BCAT1: variants seen among roughly 807,000 people sequenced by gnomAD.
The protein encoded by BCAT1 is branched chain amino acid transaminase 1.
In BCAT1, 48 loss-of-function variants were observed where a neutral mutation model predicts 52.4. That is an observed-to-expected ratio of 0.92 (90% CI 0.73 to 1.16). The LOEUF is 1.16. BCAT1 is among the 50% of genes most tolerant of loss of function. The pLI, the probability that BCAT1 is intolerant of heterozygous loss-of-function variation, is 0.00. For synonymous variants in BCAT1, 167 were observed against 161.3 expected (o/e 1.04, Z -0.27); for missense variants, 451 against 457.1 (o/e 0.99, Z 0.12).
chr12:24,945,835 G>T (rs938245956), intron 1 of BCAT1: 30 of 152,182 alleles, frequency 2.0e-4, no homozygotes, highest in African/African-American at 6.7e-4. Context: ...AAAAAGAAAA[G>T]AAAAAAGAAT....
At chr12:24,902,084 AC>A (rs1380082640) in intron 1 of BCAT1, 199 bp from the exon 2 acceptor site, 54 of 1,486,338 alleles carry the variant, frequency 3.6e-5, no homozygotes, top group Non-Finnish European at 4.4e-5. Context: ...TGCACTTCCC[AC>A]CCTGCCGGGG....
In BCAT1 at chr12:24,849,896, G is replaced by A. The variant is rs772543430; in HGVS notation, c.564C>T (p.Ser188=). The A allele has an allele frequency of 6.2e-7, 1 of 1,613,620 alleles. No homozygotes were observed. Among genetic ancestry groups the A allele is most frequent in the Non-Finnish European group, 8.5e-7 (1 of 1,179,694 alleles). The change falls in exon 6 of 11, where the codon AGC becomes AGT. Residue 188 remains serine (S), a synonymous_variant. Coordinates refer to ENST00000261192, the MANE Select transcript of BCAT1 (RefSeq NM_005504.7). ...PTKALLFVLL[S]PVGPYFSSGT... is the part of the protein sequence containing the mutation. ...CACTTGAAAAATAAGGTCCCACTGG[G>A]CTCAAGAGTACAAAGAGCAGGGCTT...
intron 10 of BCAT1, among the ~76,000 whole-genome samples, chr12:24,829,019 G>GTAAATAAA (rs113337097): frequency 1.8e-4 from 27 of 150,898 alleles, no homozygotes; most frequent in African/African-American, 4.4e-4. Flanking sequence ...AAATAAATAA[G>GTAAATAAA]TAAATAAATA....
intron 3 of BCAT1, 119 bp from the exon 4 acceptor site, chr12:24,881,530 C>A: frequency 1.6e-6 from 1 of 631,614 alleles, no homozygotes. Context: ...TGACATTGAC[C>A]TCAACTTGAG....
At chr12:24,860,004 G>A (rs1304971923) in intron 5 of BCAT1, among the ~76,000 whole-genome samples, 2 of 152,202 alleles carry the variant, frequency 1.3e-5, no homozygotes, top group Non-Finnish European at 2.9e-5. Flanking sequence ...TATGTTATCA[G>A]TAATAATTAT....
chr12:24,880,464 A>G (rs73061817), intron 4 of BCAT1, among the ~76,000 whole-genome samples: 18,241 of 152,186 alleles, frequency 0.12, 1,162 homozygotes, highest in East Asian at 0.18. Context: ...CTCAAAAAAA[A>G]AATCTAACCC....
intron 1 of BCAT1, among the ~76,000 whole-genome samples, chr12:24,917,916 G>A (rs908464944): frequency 2.6e-5 from 4 of 152,124 alleles, no homozygotes; most frequent in African/African-American, 9.7e-5. Flanking sequence ...CTCTTATCCA[G>A]GAAAATCAAA....
intron 10 of BCAT1, among the ~76,000 whole-genome samples, chr12:24,820,456 A>T (rs1010227552): frequency 2.0e-5 from 3 of 152,174 alleles, no homozygotes; most frequent in African/African-American, 7.2e-5. Context: ...AAGAGTAAGT[A>T]AGTATACATA....
chr12:24,901,455 G>A (rs2139678145), intron 2 of BCAT1, among the ~76,000 whole-genome samples: 1 of 152,300 alleles, frequency 6.6e-6, no homozygotes, highest in East Asian at 1.9e-4. Flanking sequence ...AGAGTGTTAT[G>A]TGCTACTGAA....
chr12:24,860,973 G>T (rs1179391772), intron 5 of BCAT1, among the ~76,000 whole-genome samples: 3 of 152,160 alleles, frequency 2.0e-5, no homozygotes, highest in Non-Finnish European at 4.4e-5. Context: ...AATTATTATT[G>T]CTATGCTTTA....
At chr12:24,898,752 A>G (rs1038470365) in intron 2 of BCAT1, among the ~76,000 whole-genome samples, 1 of 151,384 alleles carries the variant, frequency 6.6e-6, no homozygotes, top group Non-Finnish European at 1.5e-5. Context: ...CTGACCTCAA[A>G]TGATCCACCC....
rs1191798602 is a variant in BCAT1, at chr12:24,849,942, A to AG, written c.517dup (p.Leu173ProfsTer28). 1 of 1,606,904 alleles carries AG rather than the reference A, an allele frequency of 6.2e-7. No homozygotes were observed. The highest frequency in any genetic ancestry group is 8.5e-7 in the Non-Finnish European group (1 of 1,175,318). Reference sequence around the variant, plus strand: ...GGCTTTGGTAGGCTTCTTGACTCCAAGAGAAGGCTGCAACAAAGTAGAAGT... The same window carrying AG: ...GGCTTTGGTAGGCTTCTTGACTCCAAGGAGAAGGCTGCAACAAAGTAGAAGT... On this transcript the variant is annotated frameshift_variant, in exon 6 of 11. Coordinates refer to ENST00000261192, the MANE Select transcript of BCAT1 (RefSeq NM_005504.7). LOFTEE classifies it high-confidence loss of function.
At chr12:24,904,031 A>G (rs1343097960) in intron 1 of BCAT1, 3 of 152,170 alleles carry the variant, frequency 2.0e-5, no homozygotes, top group Non-Finnish European at 4.4e-5. Flanking sequence ...TGTAGCTCTA[A>G]TCTTATCAAC....
chr12:24,884,892 A>G (rs574897423), intron 3 of BCAT1, among the ~76,000 whole-genome samples: 1 of 152,282 alleles, frequency 6.6e-6, no homozygotes, highest in Admixed American at 6.5e-5. Flanking sequence ...AATCAAACTA[A>G]CTTTTCTGAT....
chr12:24,879,125 G>A (rs1942427010), intron 4 of BCAT1, among the ~76,000 whole-genome samples: 1 of 152,118 alleles, frequency 6.6e-6, no homozygotes, highest in Non-Finnish European at 1.5e-5. Flanking sequence ...TGACCTTAAG[G>A]TAGGAAAGGA....
At chr12:24,849,269 G>A (rs560127993) in intron 6 of BCAT1, among the ~76,000 whole-genome samples, 2 of 152,354 alleles carry the variant, frequency 1.3e-5, no homozygotes, top group South Asian at 4.1e-4. Flanking sequence ...GCCAAAGCAG[G>A]GCTGTCCCGC....
At chr12:24,895,868 A>G (rs1011423645) in intron 2 of BCAT1, among the ~76,000 whole-genome samples, 2 of 152,210 alleles carry the variant, frequency 1.3e-5, no homozygotes, top group Non-Finnish European at 2.9e-5. Context: ...ATTCCAAAAC[A>G]AACAGAAAGC....
chr12:24,890,321 A>G (rs1942800492), intron 3 of BCAT1, among the ~76,000 whole-genome samples: 1 of 152,192 alleles, frequency 6.6e-6, no homozygotes, highest in African/African-American at 2.4e-5. Context: ...TGTTTGGACC[A>G]GAGCGACTCC....
intron 3 of BCAT1, among the ~76,000 whole-genome samples, chr12:24,883,886 CTGAGA>C (rs1208613428): frequency 4.6e-5 from 7 of 152,220 alleles, no homozygotes; most frequent in Non-Finnish European, 1.0e-4. Flanking sequence ...TGCCACTGAT[CTGAGA>C]TGAGATGGAG....
Sources: gnomAD v4.1 joint callset for allele counts (sites outside exome capture counted in the v4.1 genomes callset) on GRCh38, gnomAD v4.1.1 for gene constraint, MANE v1.5 for transcripts, NCBI Gene and HGNC (gene_info 2026-07-23, HGNC 2026-07-21) for gene names.